CYSTM1: variants seen among roughly 807,000 people sequenced by gnomAD.
CYSTM1 encodes the protein cysteine rich transmembrane module containing 1.
In CYSTM1, 4 loss-of-function variants were observed where a neutral mutation model predicts 13.1. The observed-to-expected ratio is 0.31, with a 90% CI of 0.15 to 0.70. The LOEUF (loss-of-function observed/expected upper bound fraction) is 0.70. Among genes scored for constraint, CYSTM1 ranks in the 30% least tolerant of loss-of-function variants. CYSTM1 has a pLI of 0.72. For missense variants in CYSTM1, 96 were observed against 121.6 expected, an observed-to-expected ratio of 0.79 and a Z score of 0.99; for synonymous variants, 36 against 42.7, an observed-to-expected ratio of 0.84 and a Z score of 0.62.
At position 140,230,094 on chromosome 5, in the gene CYSTM1, A is replaced by T. The variant is rs769826157; in HGVS notation, c.188-13211A>T. On this transcript the variant is annotated intron_variant, in intron 2 of 2. Coordinates refer to ENST00000261811, the MANE Select transcript of CYSTM1 (RefSeq NM_032412.4). The surrounding 1 kb of genome is among the most constrained non-coding windows in gnomAD (Gnocchi z 4.1). ...ACCATGTTGGTCAGTATGGTCTCGA[A>T]CTCCTGACCTCAGGTGATCCATCCA... is the stretch of plus-strand genomic sequence containing the variant. Among the ~76,000 whole-genome samples the T allele has an allele frequency of 4.0e-5, 6 of 151,442 alleles. No homozygotes were observed. Among genetic ancestry groups the T allele is most frequent in the Non-Finnish European group, 5.9e-5 (4 of 67,856 alleles).
intron 1 of CYSTM1, among the ~76,000 whole-genome samples, chr5:140,178,922 T>C (rs1216576413): frequency 1.3e-5 from 2 of 151,984 alleles, no homozygotes; most frequent in Non-Finnish European, 2.9e-5. Context: ...TTTTTTGTTT[T>C]GTTTGGCTTT....
intron 2 of CYSTM1, among the ~76,000 whole-genome samples, chr5:140,210,324 G>A (rs1274515687): frequency 6.6e-6 from 1 of 151,906 alleles, no homozygotes; most frequent in Non-Finnish European, 1.5e-5. Flanking sequence ...TTTGTTGTGG[G>A]GGCTGTCCTG....
intron 1 of CYSTM1, among the ~76,000 whole-genome samples, chr5:140,188,778 CAA>C (rs34915397): frequency 2.6e-5 from 3 of 113,444 alleles, no homozygotes. Context: ...GACTCCGTCT[CAA>C]AAAAAAAAAA....
chr5:140,223,857 G>A (rs1306694824), intron 2 of CYSTM1, among the ~76,000 whole-genome samples: 1 of 152,146 alleles, frequency 6.6e-6, no homozygotes, highest in Non-Finnish European at 1.5e-5. Context: ...TTGTTCAAAG[G>A]GTATGCAGCC....
intron 2 of CYSTM1, among the ~76,000 whole-genome samples, chr5:140,240,269 G>C (rs1166470626): frequency 6.6e-6 from 1 of 151,944 alleles, no homozygotes; most frequent in Non-Finnish European, 1.5e-5. Context: ...ATTGAGAGAA[G>C]AGTTGCCGAG....
chr5:140,201,481 C>T (rs1764224803), intron 2 of CYSTM1: 1 of 152,196 alleles, frequency 6.6e-6, no homozygotes, highest in Non-Finnish European at 1.5e-5. Flanking sequence ...CCACAACCTA[C>T]CCTACACATC....
At chr5:140,236,744 C>T (rs942924212) in intron 2 of CYSTM1, among the ~76,000 whole-genome samples, 1 of 152,216 alleles carries the variant, frequency 6.6e-6, no homozygotes, top group Non-Finnish European at 1.5e-5. Context: ...AAGAACAGAG[C>T]CAGGACCTCG....
At chr5:140,234,548 A>C (rs1764656042) in intron 2 of CYSTM1, among the ~76,000 whole-genome samples, 1 of 152,192 alleles carries the variant, frequency 6.6e-6, no homozygotes, top group East Asian at 1.9e-4. Flanking sequence ...CATAACCTTT[A>C]ATGATGGCAG....
At chr5:140,206,815 G>C (rs1016397292) in intron 2 of CYSTM1, among the ~76,000 whole-genome samples, 2 of 151,978 alleles carry the variant, frequency 1.3e-5, no homozygotes, top group Non-Finnish European at 2.9e-5. Flanking sequence ...AAAATTTTTT[G>C]TAGAGAGGGG....
At chr5:140,211,322 T>C (rs1764364900) in intron 2 of CYSTM1, among the ~76,000 whole-genome samples, 1 of 152,234 alleles carries the variant, frequency 6.6e-6, no homozygotes, top group African/African-American at 2.4e-5. Context: ...GATTCAAACC[T>C]AGCAATCTGA....
At chr5:140,233,626 G>T (rs1764644641) in intron 2 of CYSTM1, among the ~76,000 whole-genome samples, 1 of 152,174 alleles carries the variant, frequency 6.6e-6, no homozygotes, top group Non-Finnish European at 1.5e-5. Context: ...CGGTGGCTCT[G>T]CATCTTTGCC....
At chr5:140,209,014 G>A (rs1276454175) in intron 2 of CYSTM1, among the ~76,000 whole-genome samples, 1 of 150,838 alleles carries the variant, frequency 6.6e-6, no homozygotes, top group Non-Finnish European at 1.5e-5. Context: ...ACTCCAGCCT[G>A]GGTGACAGAG....
At chr5:140,194,123 A>T (rs1764124259) in intron 1 of CYSTM1, among the ~76,000 whole-genome samples, 1 of 152,262 alleles carries the variant, frequency 6.6e-6, no homozygotes, top group Non-Finnish European at 1.5e-5. Context: ...CTTGCTATTC[A>T]TTTAACACAT....
chr5:140,186,539 C>G (rs1396791075), intron 1 of CYSTM1, among the ~76,000 whole-genome samples: 1 of 152,164 alleles, frequency 6.6e-6, no homozygotes, highest in African/African-American at 2.4e-5. Context: ...CTCTGACTTC[C>G]CTGAGTAATT....
intron 2 of CYSTM1, among the ~76,000 whole-genome samples, chr5:140,216,829 TGACC>T (rs1764432765): frequency 6.6e-6 from 1 of 152,090 alleles, no homozygotes; most frequent in African/African-American, 2.4e-5. Flanking sequence ...AAGGTTGCCC[TGACC>T]CATCCTCAGG....
intron 2 of CYSTM1, among the ~76,000 whole-genome samples, chr5:140,213,887 C>G (rs1283200875): frequency 6.6e-6 from 1 of 152,204 alleles, no homozygotes; most frequent in Non-Finnish European, 1.5e-5. Context: ...GAACATATCT[C>G]CATCATTGAG....
intron 2 of CYSTM1, among the ~76,000 whole-genome samples, chr5:140,221,104 C>T (rs958922373): frequency 5.3e-5 from 8 of 152,180 alleles, no homozygotes; most frequent in South Asian, 4.2e-4. Context: ...TCTAGGAGTT[C>T]GAGGTTACCG....
At chr5:140,217,270 A>T (rs1384688922) in intron 2 of CYSTM1, among the ~76,000 whole-genome samples, 1 of 152,082 alleles carries the variant, frequency 6.6e-6, no homozygotes, top group Non-Finnish European at 1.5e-5. Context: ...GAGAGAATGT[A>T]TATCATGGGT....
intron 1 of CYSTM1, among the ~76,000 whole-genome samples, chr5:140,183,487 C>T (rs1326515325): frequency 6.6e-6 from 1 of 152,142 alleles, no homozygotes; most frequent in African/African-American, 2.4e-5. Flanking sequence ...AGATGTAATT[C>T]AGAGATCCCT....
Sources: gnomAD v4.1 joint callset for allele counts (sites outside exome capture counted in the v4.1 genomes callset) on GRCh38, gnomAD v4.1.1 for gene constraint, Gnocchi (gnomAD v3.1) non-coding constraint, MANE v1.5 for transcripts, NCBI Gene and HGNC (gene_info 2026-07-23, HGNC 2026-07-21) for gene names.